The following CDH13 variants were observed in gnomAD, a reference collection of about 807,000 sequenced individuals.
CDH13 encodes cadherin 13, also known as cadherin-13.
In CDH13, 24 loss-of-function variants were observed where a neutral mutation model predicts 63.8. That is an observed-to-expected ratio of 0.38 (90% CI 0.27 to 0.53). The LOEUF (loss-of-function observed/expected upper bound fraction) is 0.53, where lower values mean the gene tolerates loss of function less well. Among genes scored for constraint, CDH13 ranks in the 20% least tolerant of loss-of-function variants. CDH13 has a pLI of 0.85. For synonymous variants in CDH13, 503 were observed against 355.3 expected (o/e 1.42, Z -4.67); for missense variants, 1,049 against 903.1 (o/e 1.16, Z -2.07).
rs1477592839 is a variant in CDH13 at position 82,920,076 on chromosome 16, G to C, written c.157+61603G>C. On this transcript the variant is annotated intron_variant, in intron 2 of 13. Coordinates refer to ENST00000567109, the MANE Select transcript of CDH13 (RefSeq NM_001257.5). ...AAGTGCCAGAAACTTAAATCAAAGT[G>C]GCTGAAGCAAAAGAACACTGCATGC... Among the ~76,000 whole-genome samples, 4 of 152,318 alleles carry C rather than the reference G, an allele frequency of 2.6e-5. No individual in the cohort carries two copies. The Middle Eastern group carries it at 0.014, about 518-fold the overall frequency.
At chr16:82,654,599 C>G (rs149425799) in intron 1 of CDH13, among the ~76,000 whole-genome samples, 88 of 152,234 alleles carry the variant, frequency 5.8e-4, no homozygotes, top group African/African-American at 2.1e-3. Flanking sequence ...TTTGGGCATT[C>G]CCATTTTCTG....
At chr16:83,301,265 T>A (rs1223385414) in intron 5 of CDH13, among the ~76,000 whole-genome samples, 1 of 151,970 alleles carries the variant, frequency 6.6e-6, no homozygotes, top group Non-Finnish European at 1.5e-5. Flanking sequence ...TCTCCTGACC[T>A]CATGATCCGC....
intron 4 of CDH13, among the ~76,000 whole-genome samples, chr16:83,186,145 A>G (rs1181220462): frequency 7.7e-6 from 1 of 129,596 alleles, no homozygotes; most frequent in African/African-American, 3.0e-5. Flanking sequence ...ATTTTATTTT[A>G]TTTTATTTGA....
At chr16:82,877,822 G>T (rs1355929140) in intron 2 of CDH13, among the ~76,000 whole-genome samples, 2 of 148,450 alleles carry the variant, frequency 1.3e-5, no homozygotes, top group Admixed American at 1.4e-4. Flanking sequence ...ATTTCCAGTA[G>T]CCAGTGTAAC....
At chr16:83,105,542 C>G (rs933973230) in intron 3 of CDH13, among the ~76,000 whole-genome samples, 1 of 152,120 alleles carries the variant, frequency 6.6e-6, no homozygotes, top group African/African-American at 2.4e-5. Flanking sequence ...AGGTTTTTCT[C>G]TTCTCTGGGG....
intron 1 of CDH13, among the ~76,000 whole-genome samples, chr16:82,675,751 TC>T (rs1199496173): frequency 6.6e-6 from 1 of 152,212 alleles, no homozygotes; most frequent in African/African-American, 2.4e-5. Flanking sequence ...GTGGAATTTT[TC>T]TATATATCCA....
chr16:82,839,496 A>G (rs553180778), intron 1 of CDH13, among the ~76,000 whole-genome samples: 2 of 152,280 alleles, frequency 1.3e-5, no homozygotes, highest in Non-Finnish European at 2.9e-5. Flanking sequence ...CGAAACCTAG[A>G]CAGTCCCAGT....
chr16:83,040,592 C>G (rs1917246450), intron 3 of CDH13, among the ~76,000 whole-genome samples: 2 of 152,158 alleles, frequency 1.3e-5, no homozygotes, highest in Non-Finnish European at 1.5e-5. Context: ...TCTTTCCATG[C>G]CTGGTTTTAT....
chr16:83,154,056 C>A (rs958696635), intron 4 of CDH13, among the ~76,000 whole-genome samples: 1 of 152,148 alleles, frequency 6.6e-6, no homozygotes, highest in Non-Finnish European at 1.5e-5. Context: ...CTGTTGATAT[C>A]AAGCTTGACC....
chr16:83,540,189 C>G (rs949267962), intron 7 of CDH13, among the ~76,000 whole-genome samples: 20 of 151,824 alleles, frequency 1.3e-4, no homozygotes, highest in Admixed American at 6.6e-5. Context: ...TTCAGCCTCC[C>G]GAGTAGCTGG....
chr16:82,781,106 C>T (rs2035732539), intron 1 of CDH13, among the ~76,000 whole-genome samples: 1 of 152,190 alleles, frequency 6.6e-6, no homozygotes, highest in African/African-American at 2.4e-5. Flanking sequence ...CTGAAGTTTG[C>T]CTCTAGGTTC....
At chr16:82,807,584 G>A (rs1350355491) in intron 1 of CDH13, among the ~76,000 whole-genome samples, 1 of 152,056 alleles carries the variant, frequency 6.6e-6, no homozygotes, top group African/African-American at 2.4e-5. Context: ...CTGGGCTAAG[G>A]ACCCCTGGAA....
At chr16:83,066,875 T>G (rs1295775538) in intron 3 of CDH13, among the ~76,000 whole-genome samples, 2 of 152,192 alleles carry the variant, frequency 1.3e-5, no homozygotes, top group Non-Finnish European at 2.9e-5. Context: ...GAAGTGTTGG[T>G]TAGAGTGAGT....
At chr16:83,107,857 T>C (rs897910955) in intron 3 of CDH13, among the ~76,000 whole-genome samples, 1 of 152,078 alleles carries the variant, frequency 6.6e-6, no homozygotes, top group Non-Finnish European at 1.5e-5. Context: ...TCTCGCTCTG[T>C]TGCCCAGGCT....
intron 2 of CDH13, among the ~76,000 whole-genome samples, chr16:82,920,865 AG>A (rs2042132729): frequency 6.6e-6 from 1 of 152,310 alleles, no homozygotes; most frequent in African/African-American, 2.4e-5. Context: ...TGCTCCCTGA[AG>A]GCTTTTCAGA....
intron 1 of CDH13, among the ~76,000 whole-genome samples, chr16:82,846,402 A>G (rs1041142283): frequency 1.3e-5 from 2 of 152,166 alleles, no homozygotes; most frequent in African/African-American, 4.8e-5. Flanking sequence ...TAACTAGCAC[A>G]TAACACCTAC....
rs116032418 is a variant in CDH13 at position 83,614,170 on chromosome 16, A to C, written c.1101+11576A>C. Among the ~76,000 whole-genome samples the C allele has an allele frequency of 5.5e-3, 838 of 152,310 alleles. 12 individuals carry two copies. Among genetic ancestry groups the C allele is most frequent in the African/African-American group, 0.019 (778 of 41,562 alleles). ...AGGCTCTGGCTGATGATTCCCCCAGAGAGGATTCCCTTTTGCTTTCTGTAA... is the reference window on the plus strand; with the variant it reads ...AGGCTCTGGCTGATGATTCCCCCAGCGAGGATTCCCTTTTGCTTTCTGTAA... On this transcript the variant is annotated intron_variant, in intron 8 of 13. Coordinates refer to ENST00000567109, the MANE Select transcript of CDH13 (RefSeq NM_001257.5).
intron 4 of CDH13, among the ~76,000 whole-genome samples, chr16:83,158,369 T>G (rs1016608488): frequency 2.0e-5 from 3 of 152,172 alleles, no homozygotes; most frequent in Admixed American, 2.0e-4. Context: ...TTCTTTTCCT[T>G]TTTTCCTTTT....
intron 2 of CDH13, among the ~76,000 whole-genome samples, chr16:82,917,286 G>A (rs1209859982): frequency 3.9e-5 from 6 of 152,226 alleles, no homozygotes; most frequent in Non-Finnish European, 8.8e-5. Context: ...GGGTCCAATG[G>A]AAGAACGCTC....
Sources: allele counts gnomAD v4.1 joint callset (sites outside exome capture counted in the v4.1 genomes callset), GRCh38; gene constraint gnomAD v4.1.1; transcripts MANE v1.5; gene names NCBI Gene and HGNC (gene_info 2026-07-23, HGNC 2026-07-21).